GDNF: variants seen among roughly 807,000 people sequenced by gnomAD.
The protein encoded by GDNF is glial cell derived neurotrophic factor.
GDNF carries 5 observed loss-of-function variants against 13.7 expected under a neutral mutation model. The ratio of observed to expected loss-of-function variants is 0.36; its 90% CI spans 0.19 to 0.77. The LOEUF is 0.77. Among genes scored for constraint, GDNF ranks in the 30% least tolerant of loss-of-function variants. The pLI is 0.51. For synonymous variants in GDNF, 122 were observed against 112.5 expected, an observed-to-expected ratio of 1.08 and a Z score of -0.53; for missense variants, 246 against 274.3, an observed-to-expected ratio of 0.90 and a Z score of 0.73.
chr5:37,824,112 G>A (rs1298330184), intron 2 of GDNF: 2 of 801,614 alleles, frequency 2.5e-6, no homozygotes, highest in Non-Finnish European at 1.5e-6. Flanking sequence ...GGTAAAAGAT[G>A]TGTAGAAAGG....
intron 1 of GDNF, among the ~76,000 whole-genome samples, chr5:37,836,647 G>C (rs1254189931): frequency 2.0e-5 from 3 of 152,196 alleles, no homozygotes; most frequent in Admixed American, 6.5e-5. Flanking sequence ...CCTGGGGAAC[G>C]CGAGCTTCCC....
intron 2 of GDNF, among the ~76,000 whole-genome samples, chr5:37,831,431 T>A (rs56000387): frequency 2.0e-5 from 3 of 152,234 alleles, no homozygotes; most frequent in Non-Finnish European, 2.9e-5. Flanking sequence ...TAAAACCACA[T>A]GCATTTTATG....
intron 2 of GDNF, among the ~76,000 whole-genome samples, chr5:37,827,421 A>C (rs1391405438): frequency 6.6e-6 from 1 of 152,266 alleles, no homozygotes; most frequent in Admixed American, 6.5e-5. Flanking sequence ...CAAATGGTTC[A>C]GAAAAAAACG....
In GDNF at chr5:37,838,459, G is replaced by A. The variant is rs1750785885; in HGVS notation, c.-27+1048C>T. Among the ~76,000 whole-genome samples, 1 of 152,240 alleles carries A rather than the reference G, an allele frequency of 6.6e-6. No individual in the cohort carries two copies. The highest frequency in any genetic ancestry group is 6.5e-5 in the Admixed American group (1 of 15,292). On this transcript the variant is annotated intron_variant, in intron 1 of 2. Transcript: ENST00000326524. The surrounding 1 kb of genome is among the most constrained non-coding windows in gnomAD (Gnocchi z 4.1). ...CATATATTCCAAACACTGAGCAAGA[G>A]TCGAGCGCGTTCTAACATCTCCGCA...
intron 2 of GDNF, among the ~76,000 whole-genome samples, chr5:37,830,112 A>G (rs1485824476): frequency 6.6e-6 from 1 of 152,228 alleles, no homozygotes; most frequent in African/African-American, 2.4e-5. Context: ...TTGTTGCACT[A>G]GAAGCTTCCT....
rs771821622 is a variant in GDNF at position 37,816,167 on chromosome 5, G to T, written c.152-32C>A. The T allele has an allele frequency of 1.6e-5, 25 of 1,610,360 alleles. No individual in the cohort carries two copies. In the African/African-American group the frequency reaches 3.1e-4, roughly 20 times the overall value. On this transcript the variant is annotated intron_variant, in intron 2 of 2. Transcript: ENST00000326524. ...AAAAAGAAAAGAGAAAATGGCACAT[G>T]AGACAAAATGATCATTTCAAGCCGT...
At position 37,814,898 on chromosome 5, in the gene GDNF, C is replaced by A. The variant is rs2111622225; in HGVS notation, c.*753G>T. ...TCTCCTACAAGAATGCTGGCGAAAA[C>A]CACAACTCGTTTCCTGTTTCCAAGG... On this transcript the variant is annotated 3_prime_UTR_variant, in exon 3 of 3. Transcript: ENST00000326524. 6.6e-6 allele frequency: 1 copy of A among 152,436 alleles called. No homozygotes were observed. The highest frequency in any genetic ancestry group is 2.1e-4 in the South Asian group (1 of 4,822). 9.4% of individuals were successfully genotyped at this position (152,436 alleles called of 1,614,324 possible). A position where few individuals can be genotyped will look rare whatever the true frequency, so the allele number is the denominator to read the frequency against.
chr5:37,819,937 G>A (rs1488701416), intron 2 of GDNF, among the ~76,000 whole-genome samples: 2 of 152,016 alleles, frequency 1.3e-5, no homozygotes, highest in Non-Finnish European at 2.9e-5. Context: ...AGCTATTAAA[G>A]AGGAAATAAA....
intron 2 of GDNF, among the ~76,000 whole-genome samples, chr5:37,817,182 G>C (rs984719406): frequency 6.6e-5 from 10 of 152,190 alleles, no homozygotes. Flanking sequence ...GACCTTTGGT[G>C]AAAGTATAAA....
Position 37,815,545 on chromosome 5 carries a change from T to C in GDNF, c.*106A>G, listed in dbSNP as rs1749884900. ...CTCTTCTTCTTCCTCCTCCTCCGCC[T>C]CCTTGGTCCTCATCTTCCATTCTGG... On this transcript the variant is annotated 3_prime_UTR_variant, in exon 3 of 3. Coordinates refer to ENST00000326524, the MANE Select transcript of GDNF (RefSeq NM_000514.4). The surrounding 1 kb of genome is among the most constrained non-coding windows in gnomAD (Gnocchi z 5.0). The C allele has an allele frequency of 1.6e-5, 17 of 1,061,008 alleles. No homozygotes were observed. The highest frequency in any genetic ancestry group is 2.3e-5 in the Non-Finnish European group (16 of 682,196). The allele number at this position is 1,061,008 out of a possible 1,614,324, so 65.7% of individuals were successfully genotyped here.
chr5:37,832,049 C>G (rs183033650), intron 2 of GDNF, among the ~76,000 whole-genome samples: 1 of 152,158 alleles, frequency 6.6e-6, no homozygotes, highest in African/African-American at 2.4e-5. Flanking sequence ...TAATAGAATT[C>G]TGGATGTTTT....
chr5:37,828,203 A>G (rs566978266), intron 2 of GDNF, among the ~76,000 whole-genome samples: 5 of 152,348 alleles, frequency 3.3e-5, no homozygotes, highest in South Asian at 2.1e-4. Context: ...TCTGAGAACC[A>G]GAGTCTCCCA....
chr5:37,830,132 A>G (rs1037176918), intron 2 of GDNF, among the ~76,000 whole-genome samples: 10 of 152,260 alleles, frequency 6.6e-5, no homozygotes, highest in Non-Finnish European at 1.0e-4. Context: ...TTAGCTCTAT[A>G]GAGGTGGTCT....
intron 2 of GDNF, chr5:37,823,322 C>T (rs562030426): frequency 3.3e-5 from 5 of 152,304 alleles, no homozygotes; most frequent in South Asian, 4.1e-4. Context: ...TACTCTGAGA[C>T]GAGAGCAAGA....
At chr5:37,821,677 G>A (rs1252445336) in intron 2 of GDNF, among the ~76,000 whole-genome samples, 2 of 152,060 alleles carry the variant, frequency 1.3e-5, no homozygotes, top group African/African-American at 4.8e-5. Flanking sequence ...CCTTGTACCG[G>A]GGCACAACTC....
At chr5:37,821,268 G>A (rs1750129957) in intron 2 of GDNF, among the ~76,000 whole-genome samples, 1 of 152,170 alleles carries the variant, frequency 6.6e-6, no homozygotes, top group Non-Finnish European at 1.5e-5. Context: ...AATTCACTGA[G>A]CTGAGGGAAA....
At chr5:37,818,987 G>C (rs1750026247) in intron 2 of GDNF, among the ~76,000 whole-genome samples, 1 of 151,974 alleles carries the variant, frequency 6.6e-6, no homozygotes, top group South Asian at 2.1e-4. Flanking sequence ...TGATTTCTTA[G>C]GGTTGTTATT....
intron 2 of GDNF, among the ~76,000 whole-genome samples, chr5:37,834,069 C>T (rs1161909622): frequency 1.3e-5 from 2 of 152,180 alleles, no homozygotes; most frequent in Non-Finnish European, 2.9e-5. Flanking sequence ...TTTCTAGAAC[C>T]GGAACTTTTC....
Position 37,838,388 on chromosome 5 carries a change from G to A in GDNF, c.-27+1119C>T, listed in dbSNP as rs1017787520. On this transcript the variant is annotated intron_variant, in intron 1 of 2. Coordinates refer to ENST00000326524, the MANE Select transcript of GDNF (RefSeq NM_000514.4). This position sits in a 1 kb window ranked among gnomAD's most constrained non-coding sequence, Gnocchi z 4.1. ...CTTTGACGGCTTTGCGGGACTGGGT[G>A]CGTGAATGAGGTTGGAAGAAACATC... Among the ~76,000 whole-genome samples the A allele has an allele frequency of 3.3e-5, 5 of 152,234 alleles. No homozygotes were observed. In the South Asian group the frequency reaches 1.0e-3, roughly 32 times the overall value.
Sources: gnomAD v4.1 joint callset for allele counts (sites outside exome capture counted in the v4.1 genomes callset) on GRCh38, gnomAD v4.1.1 for gene constraint, Gnocchi (gnomAD v3.1) non-coding constraint, MANE v1.5 for transcripts, NCBI Gene and HGNC (gene_info 2026-07-23, HGNC 2026-07-21) for gene names.